LYPLA1: variants seen among roughly 807,000 people sequenced by gnomAD.
LYPLA1 encodes the protein acyl-protein thioesterase 1.
In LYPLA1, 17 loss-of-function variants were observed where a neutral mutation model predicts 34.0. The ratio of observed to expected loss-of-function variants is 0.50; its 90% CI spans 0.34 to 0.75. LYPLA1 has a LOEUF of 0.75. Among genes scored for constraint, LYPLA1 ranks in the 30% least tolerant of loss-of-function variants. The pLI is 0.01. For missense variants in LYPLA1, 203 were observed against 288.8 expected, an observed-to-expected ratio of 0.70 and a Z score of 2.15; for synonymous variants, 98 against 100.8, an observed-to-expected ratio of 0.97 and a Z score of 0.17.
At chr8:54,067,824 T>A (rs1018949804) in intron 2 of LYPLA1, among the ~76,000 whole-genome samples, 26 of 151,006 alleles carry the variant, frequency 1.7e-4, no homozygotes, top group African/African-American at 5.8e-4. Flanking sequence ...GCCTCCCGAG[T>A]AGGCGCCCGC....
intron 2 of LYPLA1, among the ~76,000 whole-genome samples, chr8:54,081,155 G>A (rs970128760): frequency 1.3e-5 from 2 of 152,124 alleles, no homozygotes; most frequent in African/African-American, 4.8e-5. Context: ...TTGAAGAGTT[G>A]CCTCTCAATT....
At chr8:54,096,687 G>A (rs1229898282) in intron 2 of LYPLA1, among the ~76,000 whole-genome samples, 2 of 151,552 alleles carry the variant, frequency 1.3e-5, no homozygotes, top group African/African-American at 4.9e-5. Context: ...AGGTTGCAGT[G>A]AGCCAAGATC....
chr8:54,100,636 G>A (rs1363848241), intron 2 of LYPLA1: 1 of 422,398 alleles, frequency 2.4e-6, no homozygotes, highest in African/African-American at 2.1e-5. Flanking sequence ...ACATTCCACG[G>A]ATCTCTGGTA....
At chr8:54,055,001 C>T in intron 6 of LYPLA1, 59 bp downstream of exon 6, 1 of 1,019,424 alleles carries the variant, frequency 9.8e-7, no homozygotes, top group Non-Finnish European at 1.5e-6. Flanking sequence ...AGGATTAATG[C>T]ACAGACTTCT....
At chr8:54,085,684 G>A (rs1808679579) in intron 2 of LYPLA1, among the ~76,000 whole-genome samples, 1 of 151,748 alleles carries the variant, frequency 6.6e-6, no homozygotes, top group South Asian at 2.1e-4. Context: ...CGTCCGGGAG[G>A]TGAGGAGCAT....
At chr8:54,058,602 G>GTGTCTC (rs1053459772) in intron 5 of LYPLA1, among the ~76,000 whole-genome samples, 6 of 151,432 alleles carry the variant, frequency 4.0e-5, no homozygotes, top group African/African-American at 9.7e-5. Flanking sequence ...CTCTCTCTCT[G>GTGTCTC]TGTCTCTGTC....
At chr8:54,081,071 A>G (rs1323756536) in intron 2 of LYPLA1, among the ~76,000 whole-genome samples, 1 of 152,230 alleles carries the variant, frequency 6.6e-6, no homozygotes. Flanking sequence ...AACAGCTTTA[A>G]GGTATGGACT....
intron 2 of LYPLA1, among the ~76,000 whole-genome samples, chr8:54,090,578 C>G (rs2129362696): frequency 6.6e-6 from 1 of 152,296 alleles, no homozygotes; most frequent in South Asian, 2.1e-4. Flanking sequence ...CTAACCTACC[C>G]CCGCCCTCAC....
intron 2 of LYPLA1, among the ~76,000 whole-genome samples, chr8:54,083,778 T>C (rs1808481958): frequency 6.6e-6 from 1 of 152,144 alleles, no homozygotes; most frequent in South Asian, 2.1e-4. Flanking sequence ...GCAGCGAAAA[T>C]GCATAGGATG....
At chr8:54,086,799 G>A (rs556299142) in intron 2 of LYPLA1, among the ~76,000 whole-genome samples, 1 of 152,220 alleles carries the variant, frequency 6.6e-6, no homozygotes, top group African/African-American at 2.4e-5. Context: ...GCAGTGAGCT[G>A]TGTTCACTCC....
intron 8 of LYPLA1, 124 bp downstream of exon 8, chr8:54,050,888 T>A: frequency 1.0e-6 from 1 of 1,001,034 alleles, no homozygotes; most frequent in Non-Finnish European, 1.5e-6. Context: ...TAATGACTGC[T>A]AACTTATGAC....
At chr8:54,090,710 C>T (rs1038777122) in intron 2 of LYPLA1, among the ~76,000 whole-genome samples, 5 of 152,106 alleles carry the variant, frequency 3.3e-5, no homozygotes, top group Non-Finnish European at 5.9e-5. Context: ...CTCAACCTGC[C>T]GATCCGCCTG....
chr8:54,095,636 GC>G (rs1586183821), intron 2 of LYPLA1, among the ~76,000 whole-genome samples: 1 of 152,132 alleles, frequency 6.6e-6, no homozygotes, highest in East Asian at 1.9e-4. Flanking sequence ...CTAATATGAT[GC>G]ACTGTTATGG....
In LYPLA1 at chr8:54,088,703, A is replaced by C. The variant is rs182259869; in HGVS notation, c.101+12205T>G. On this transcript the variant is annotated intron_variant, in intron 2 of 8. Transcript: ENST00000316963. ...ATTACTCATTAGAGTAAAAAAGTAG[A>C]AACAATCCAAATGTTCATTAATTGA... Among the ~76,000 whole-genome samples the C allele has an allele frequency of 9.2e-5, 14 of 152,342 alleles. 1 individual carries two copies. Among genetic ancestry groups the C allele is most frequent in the Admixed American group, 9.2e-4 (14 of 15,298 alleles).
At chr8:54,088,189 A>T (rs1439163132) in intron 2 of LYPLA1, among the ~76,000 whole-genome samples, 1 of 152,268 alleles carries the variant, frequency 6.6e-6, no homozygotes, top group Non-Finnish European at 1.5e-5. Flanking sequence ...AGCTAAGAAC[A>T]TAAAGTACAT....
chr8:54,073,189 C>T (rs1368045311), intron 2 of LYPLA1: 4 of 765,298 alleles, frequency 5.2e-6, no homozygotes, highest in East Asian at 2.5e-5. Flanking sequence ...AATTCATCCT[C>T]GGTCTTCCCA....
rs534826190 is a variant in LYPLA1, at chr8:54,077,561, T to C, written c.102-11748A>G. 2.0e-5 allele frequency among the ~76,000 whole-genome samples: 3 copies of C among 152,252 alleles called. No individual in the cohort carries two copies. In the East Asian group the frequency reaches 5.8e-4, roughly 29 times the overall value. ...CTGTAATCCCAGCACTTTGGGAGGC[T>C]GAGGCAGACGGATCACTTGAGGTCA... On this transcript the variant is annotated intron_variant, in intron 2 of 8. Coordinates refer to ENST00000316963, the MANE Select transcript of LYPLA1 (RefSeq NM_006330.4).
chr8:54,073,342 G>C (rs572782336), intron 2 of LYPLA1: 3 of 839,332 alleles, frequency 3.6e-6, no homozygotes, highest in Admixed American at 3.4e-5. Flanking sequence ...TGTGTGCAAA[G>C]AGAACTGTGG....
At chr8:54,073,184 A>G in intron 2 of LYPLA1, 4 of 761,904 alleles carry the variant, frequency 5.3e-6, no homozygotes, top group Non-Finnish European at 9.8e-6. Flanking sequence ...CCTGCAATTC[A>G]TCCTCGGTCT....
Sources: gnomAD v4.1 joint callset for allele counts (sites outside exome capture counted in the v4.1 genomes callset) on GRCh38, gnomAD v4.1.1 for gene constraint, MANE v1.5 for transcripts, NCBI Gene and HGNC (gene_info 2026-07-23, HGNC 2026-07-21) for gene names.